The following PCDH15 variants were observed in gnomAD, a reference collection of about 807,000 sequenced individuals.
PCDH15 encodes protocadherin related 15.
PCDH15 carries 129 observed loss-of-function variants against 178.5 expected under a neutral mutation model. The ratio of observed to expected loss-of-function variants is 0.72; its 90% CI spans 0.63 to 0.84. The LOEUF (loss-of-function observed/expected upper bound fraction) is 0.84, where lower values mean the gene tolerates loss of function less well. PCDH15 is among the 40% of genes least tolerant of loss of function. The probability of loss-of-function intolerance (pLI) is 0.00; values close to 1 mark genes in which losing one functional copy is unlikely to be tolerated. For missense variants in PCDH15, 2,230 were observed against 2,099.9 expected (o/e 1.06, Z -1.21); for synonymous variants, 800 against 732.0 (o/e 1.09, Z -1.50).
chr10:53,885,465 CTGTT>C (rs1370002784), intron 26 of PCDH15, among the ~76,000 whole-genome samples: 1 of 152,082 alleles, frequency 6.6e-6, no homozygotes, highest in Non-Finnish European at 1.5e-5. Context: ...TGCTTGAAGA[CTGTT>C]TGAAGTGTTT....
chr10:54,247,953 T>C (rs1339610918), intron 8 of PCDH15, among the ~76,000 whole-genome samples: 1 of 146,982 alleles, frequency 6.8e-6, no homozygotes, highest in Non-Finnish European at 1.5e-5. Context: ...TATATATATA[T>C]ATATATACAC....
At position 55,135,722 on chromosome 10, in the gene PCDH15, A is replaced by G. The variant is rs1380694940; in HGVS notation, c.-80+30854T>C. On this transcript the variant is annotated intron_variant, in intron 2 of 5. Coordinates refer to the PCDH15 transcript ENST00000458638. ...TTCAGCCTCCCGAGTAGCTGGGGTTACAGGCACACACCACCCTGCCTGGCT... is the reference window on the plus strand; with the variant it reads ...TTCAGCCTCCCGAGTAGCTGGGGTTGCAGGCACACACCACCCTGCCTGGCT... 2.6e-5 allele frequency among the ~76,000 whole-genome samples: 4 copies of G among 151,180 alleles called. 1 individual carries two copies. The Admixed American group carries it at 2.6e-4, about 10-fold the overall frequency.
intron 5 of PCDH15, among the ~76,000 whole-genome samples, chr10:54,363,720 C>T (rs1208440423): frequency 6.6e-6 from 1 of 151,974 alleles, no homozygotes; most frequent in Non-Finnish European, 1.5e-5. Context: ...ACTTATCTAC[C>T]AACAATGTAT....
intron 1 of PCDH15, among the ~76,000 whole-genome samples, chr10:55,206,115 A>G (rs1332176693): frequency 6.6e-6 from 1 of 151,970 alleles, no homozygotes; most frequent in East Asian, 1.9e-4. Context: ...GGGCCAAACC[A>G]TATCACCTTC....
At chr10:53,817,607 C>T (rs184311863) in intron 34 of PCDH15, among the ~76,000 whole-genome samples, 99 of 149,710 alleles carry the variant, frequency 6.6e-4, no homozygotes, top group African/African-American at 1.5e-3. Context: ...CTGCAATCTC[C>T]GCCTTGCCGG....
chr10:55,471,621 G>A (rs192630323), intron 2 of PCDH15, among the ~76,000 whole-genome samples: 53 of 152,224 alleles, frequency 3.5e-4, no homozygotes, highest in Admixed American at 1.2e-3. Flanking sequence ...GTCTGGTCTC[G>A]AACTCCCAAC....
At chr10:55,282,422 G>T (rs1465021327) in intron 1 of PCDH15, among the ~76,000 whole-genome samples, 1 of 152,084 alleles carries the variant, frequency 6.6e-6, no homozygotes, top group East Asian at 1.9e-4. Context: ...ATTTTACACT[G>T]TTATTACACT....
chr10:54,262,033 T>C (rs1441405666), intron 8 of PCDH15, among the ~76,000 whole-genome samples: 1 of 151,750 alleles, frequency 6.6e-6, no homozygotes, highest in African/African-American at 2.4e-5. Context: ...AAGGGGTGAG[T>C]GAAGGAACCC....
intron 2 of PCDH15, among the ~76,000 whole-genome samples, chr10:55,510,274 C>T (rs1310123877): frequency 2.0e-5 from 3 of 151,812 alleles, no homozygotes; most frequent in Non-Finnish European, 4.4e-5. Context: ...GGTAGAATCA[C>T]ATATTGATTT....
chr10:54,617,568 T>G (rs2093208694), intron 2 of PCDH15, among the ~76,000 whole-genome samples: 1 of 151,888 alleles, frequency 6.6e-6, no homozygotes, highest in Non-Finnish European at 1.5e-5. Flanking sequence ...CTAAGAAAGT[T>G]ACAGCATTGA....
chr10:54,994,805 T>A (rs145901595), intron 2 of PCDH15, among the ~76,000 whole-genome samples: 151 of 152,058 alleles, frequency 9.9e-4, no homozygotes, highest in African/African-American at 3.5e-3. Flanking sequence ...ATTACATAGG[T>A]TTTTGCTATT....
At position 55,599,840 on chromosome 10, in the gene PCDH15, G is replaced by A. The variant is rs576198515; in HGVS notation, c.-156+27785C>T. The A allele has an allele frequency of 1.0e-4, 109 of 1,058,106 alleles. 1 individual carries two copies. The Middle Eastern group carries it at 1.5e-3, about 15-fold the overall frequency. 65.5% of individuals were successfully genotyped at this position (1,058,106 alleles called of 1,614,324 possible). ...TCAGTGACATATGTTTAAGGGTTGC[G>A]GTATCCTGAACTTGCAAAGGTAGCA... is the stretch of plus-strand genomic sequence containing the variant. On this transcript the variant is annotated intron_variant, in intron 2 of 5. Transcript: ENST00000613346.
chr10:54,316,703 C>T (rs2061299501), intron 8 of PCDH15, among the ~76,000 whole-genome samples: 1 of 152,076 alleles, frequency 6.6e-6, no homozygotes, highest in African/African-American at 2.4e-5. Flanking sequence ...TCCAAACTGA[C>T]AGAAATTTAT....
chr10:53,841,846 C>T (rs1195159185), intron 28 of PCDH15, among the ~76,000 whole-genome samples: 2 of 150,772 alleles, frequency 1.3e-5, no homozygotes, highest in East Asian at 2.0e-4. Context: ...CCTGCAATTC[C>T]AGCTAGTCGG....
At chr10:53,865,563 T>C (rs1213778282) in intron 27 of PCDH15, among the ~76,000 whole-genome samples, 2 of 152,194 alleles carry the variant, frequency 1.3e-5, no homozygotes, top group Admixed American at 1.3e-4. Context: ...AAAAAGTGTT[T>C]ACCGATCTTA....
intron 13 of PCDH15, among the ~76,000 whole-genome samples, chr10:54,171,358 G>A (rs536432948): frequency 1.3e-5 from 2 of 152,132 alleles, no homozygotes; most frequent in African/African-American, 4.8e-5. Flanking sequence ...TCCCTTCTCA[G>A]AATTCAGGCC....
intron 8 of PCDH15, among the ~76,000 whole-genome samples, chr10:54,275,651 G>T (rs1383980911): frequency 1.3e-5 from 2 of 151,636 alleles, no homozygotes; most frequent in African/African-American, 4.8e-5. Flanking sequence ...AAAAAAATGT[G>T]CAAGCCAATC....
intron 32 of PCDH15, chr10:53,823,359 C>T (rs1190580500): frequency 2.5e-6 from 4 of 1,611,916 alleles, no homozygotes; most frequent in African/African-American, 1.3e-5. Context: ...AAGGAAAAGA[C>T]TTGAAAGAAA....
At chr10:54,019,493 T>G (rs1016490287) in intron 20 of PCDH15, among the ~76,000 whole-genome samples, 4 of 152,106 alleles carry the variant, frequency 2.6e-5, no homozygotes, top group Non-Finnish European at 5.9e-5. Context: ...AAGTTTAAGA[T>G]GACGCTCAGA....
Sources: gnomAD v4.1 joint callset for allele counts (sites outside exome capture counted in the v4.1 genomes callset) on GRCh38, gnomAD v4.1.1 for gene constraint, MANE v1.5 for transcripts, NCBI Gene and HGNC (gene_info 2026-07-23, HGNC 2026-07-21) for gene names.